ZNF184: variants seen among roughly 807,000 people sequenced by gnomAD.
ZNF184 encodes the protein zinc finger protein 184, also known as zinc finger protein 184 (Kruppel-like).
A neutral mutation model predicts 54.4 loss-of-function variants in ZNF184; 16 were observed. That is an observed-to-expected ratio of 0.29 (90% CI 0.20 to 0.45). ZNF184 has a LOEUF of 0.45. Among genes scored for constraint, ZNF184 ranks in the 20% least tolerant of loss-of-function variants. ZNF184 has a pLI of 1.00. For missense variants in ZNF184, 681 were observed against 888.2 expected (o/e 0.77, Z 2.97); for synonymous variants, 254 against 295.3 (o/e 0.86, Z 1.43).
intron 3 of ZNF184, among the ~76,000 whole-genome samples, chr6:27,462,962 C>T (rs2893917): frequency 0.65 from 98,330 of 150,350 alleles, 32,383 homozygotes; most frequent in Middle Eastern, 0.76. Context: ...CCAGAAGAGA[C>T]GTTAGAGTTA....
At chr6:27,443,142 C>A in the ZNF184 span, among the ~76,000 whole-genome samples, 22 of 152,192 alleles carry the variant, frequency 1.4e-4, no homozygotes, top group African/African-American at 5.3e-4. Flanking sequence ...AATTTTGGCA[C>A]CTCTTCTGGA....
intron 2 of ZNF184, 50 bp from the exon 3 acceptor site, chr6:27,467,970 C>T (rs1245952727): frequency 3.6e-6 from 5 of 1,380,554 alleles, no homozygotes; most frequent in East Asian, 4.9e-5. Flanking sequence ...TTAGCCATTC[C>T]CAGCAATCCA....
chr6:27,442,685 GAA>G, the ZNF184 span, among the ~76,000 whole-genome samples: 3 of 135,100 alleles, frequency 2.2e-5, no homozygotes, highest in African/African-American at 8.1e-5. Flanking sequence ...GAGAAAGAAA[GAA>G]AGAGAGAGAG....
Position 27,452,658 on chromosome 6 carries a change from T to C in ZNF184, c.901A>G (p.Thr301Ala). The C allele has an allele frequency of 6.2e-7, 1 of 1,614,124 alleles. No homozygotes were observed. The highest frequency in any genetic ancestry group is 8.5e-7 in the Non-Finnish European group (1 of 1,179,996). ...PSLTQHQRIH[T>A]GEKPYKCDEC... The stretch of plus-strand genomic sequence containing the variant: ...TCACATTTATATGGTTTTTCTCCAG[T>C]ATGAATTCTTTGATGTTGAGTAAGA... The change falls in exon 6 of 6, where the codon ACT (threonine) becomes GCT (alanine). Residue 301 changes from threonine (T) to alanine (A), a missense_variant. By Grantham distance (58) the Thr-to-Ala change is moderately conservative. Coordinates refer to ENST00000683788, the MANE Select transcript of ZNF184 (RefSeq NM_001318891.2). This position sits in a 1 kb window ranked among gnomAD's most constrained non-coding sequence, Gnocchi z 5.5.
chr6:27,456,554 G>C (rs142389048), intron 5 of ZNF184, among the ~76,000 whole-genome samples: 1 of 152,200 alleles, frequency 6.6e-6, no homozygotes, highest in Non-Finnish European at 1.5e-5. Context: ...GAAGTAGAAA[G>C]AGATGTAATT....
chr6:27,405,810 A>G, the ZNF184 span: 2 of 152,298 alleles, frequency 1.3e-5, no homozygotes, highest in African/African-American at 4.8e-5. Context: ...ATTAATGAAC[A>G]CTGGGGCTCA....
intron 3 of ZNF184, 65 bp downstream of exon 3, chr6:27,467,788 A>G (rs1763177665): frequency 6.7e-7 from 1 of 1,494,746 alleles, no homozygotes; most frequent in African/African-American, 1.4e-5. Flanking sequence ...AAAAAACAAA[A>G]CAAAACAAAA....
intron 3 of ZNF184, among the ~76,000 whole-genome samples, chr6:27,466,145 AGAGAGAGAGAG>A (rs1561842455): frequency 2.5e-4 from 4 of 15,714 alleles, no homozygotes; most frequent in African/African-American, 6.0e-4. Flanking sequence ...TCAGAGGGAG[AGAGAGAGAGAG>A]AGAGAGAGAG....
intron 5 of ZNF184, among the ~76,000 whole-genome samples, chr6:27,454,597 G>A (rs182938285): frequency 1.1e-3 from 173 of 151,052 alleles, no homozygotes; most frequent in Admixed American, 5.0e-3. Context: ...TTAAAGAACA[G>A]TGCATGGAAG....
rs760278282 is a variant in ZNF184 at position 27,451,842 on chromosome 6, G to T, written c.1717C>A (p.Leu573Ile). The change falls in exon 6 of 6, where the codon CTT (leucine) becomes ATT (isoleucine). Residue 573 changes from leucine (L) to isoleucine (I), a missense_variant. Leu to Ile is a conservative substitution (Grantham distance 5). Coordinates refer to ENST00000683788, the MANE Select transcript of ZNF184 (RefSeq NM_001318891.2). The part of the protein sequence containing the change: ...CGKTFSYGSS[L>I]IQHRKIHTGE... ...GTATGGATCTTCCTATGCTGAATAAGGGATGAACCATAACTGAAGGTTTTC... is the reference window on the plus strand; with the variant it reads ...GTATGGATCTTCCTATGCTGAATAATGGATGAACCATAACTGAAGGTTTTC... 6.2e-7 allele frequency: 1 copy of T among 1,613,098 alleles called. No homozygotes were observed. Among genetic ancestry groups the T allele is most frequent in the East Asian group, 2.2e-5 (1 of 44,872 alleles).
the ZNF184 span, among the ~76,000 whole-genome samples, chr6:27,424,650 G>A: frequency 6.6e-6 from 1 of 152,170 alleles, no homozygotes; most frequent in African/African-American, 2.4e-5. Context: ...GCTGATTGGT[G>A]TGTTTACAAA....
At chr6:27,428,401 C>A in the ZNF184 span, among the ~76,000 whole-genome samples, 1 of 152,158 alleles carries the variant, frequency 6.6e-6, no homozygotes, top group African/African-American at 2.4e-5. The surrounding 1 kb of genome is among the most constrained non-coding windows in gnomAD (Gnocchi z 4.1). Context: ...TGGAATCTCC[C>A]TTTCTTCCCT....
chr6:27,415,881 G>A, the ZNF184 span, among the ~76,000 whole-genome samples: 1 of 152,162 alleles, frequency 6.6e-6, no homozygotes, highest in African/African-American at 2.4e-5. Flanking sequence ...CAACAGAAAT[G>A]TATTGTCTCA....
At chr6:27,411,053 A>AT in the ZNF184 span, among the ~76,000 whole-genome samples, 1 of 152,046 alleles carries the variant, frequency 6.6e-6, no homozygotes, top group Non-Finnish European at 1.5e-5. Flanking sequence ...TTATAAAGAA[A>AT]TTTTTTTCTC....
Position 27,453,389 on chromosome 6 carries a change from T to C in ZNF184, c.299-129A>G, listed in dbSNP as rs1762783536. ...CTAATGGTTTTCAAATATATAGCCA[T>C]ATTATTTGGGGAGAAAGTTGGAAGG... On this transcript the variant is annotated intron_variant, in intron 5 of 5. Transcript: ENST00000683788. This position sits in a 1 kb window ranked among gnomAD's most constrained non-coding sequence, Gnocchi z 4.7. 2.1e-6 allele frequency: 2 copies of C among 951,714 alleles called. No individual in the cohort carries two copies. Among genetic ancestry groups the C allele is most frequent in the Admixed American group, 3.6e-5 (1 of 27,918 alleles). 59.0% of individuals were successfully genotyped at this position (951,714 alleles called of 1,614,324 possible). A position where few individuals can be genotyped will look rare whatever the true frequency, so the allele number is the denominator to read the frequency against.
intron 2 of ZNF184, 150 bp from the exon 3 acceptor site, chr6:27,468,070 G>A (rs763422487): frequency 5.3e-5 from 34 of 643,608 alleles, no homozygotes; most frequent in Non-Finnish European, 7.4e-5. Context: ...CAAGATAACT[G>A]GGGCCCTGGT....
At chr6:27,438,145 G>GTTT in the ZNF184 span, among the ~76,000 whole-genome samples, 1 of 152,120 alleles carries the variant, frequency 6.6e-6, no homozygotes, top group African/African-American at 2.4e-5. Context: ...TTACTGGGAA[G>GTTT]TTTACCATGG....
At chr6:27,422,212 G>GAAAGAAAGAAAGAAAGAAAGAAAGAAAGA in the ZNF184 span, among the ~76,000 whole-genome samples, 3 of 111,930 alleles carry the variant, frequency 2.7e-5, no homozygotes, top group African/African-American at 9.9e-5. Context: ...AAGAAAGAAA[G>GAAAGAAAGAAAGAAAGAAAGAAAGAAAGA]AAAGAAAAGA....
downstream of ZNF184, among the ~76,000 whole-genome samples, chr6:27,447,459 T>A (rs896653340): frequency 6.6e-6 from 1 of 152,108 alleles, no homozygotes; most frequent in Non-Finnish European, 1.5e-5. Context: ...ATGCCTGTAA[T>A]CCTGGCACTT....
Sources: allele counts gnomAD v4.1 joint callset (sites outside exome capture counted in the v4.1 genomes callset), GRCh38; gene constraint gnomAD v4.1.1; non-coding constraint Gnocchi (gnomAD v3.1); transcripts MANE v1.5; gene names NCBI Gene and HGNC (gene_info 2026-07-23, HGNC 2026-07-21).